Variants in PTPRQ observed in about 807,000 individuals in gnomAD.
PTPRQ encodes phosphatidylinositol phosphatase PTPRQ.
PTPRQ carries 199 observed loss-of-function variants against 246.0 expected under a neutral mutation model. The ratio of observed to expected loss-of-function variants is 0.81; its 90% CI spans 0.72 to 0.91. The LOEUF is 0.91. Ranked by LOEUF, PTPRQ falls within the 40% of genes least tolerant of loss-of-function variation. The pLI, the probability that PTPRQ is intolerant of heterozygous loss-of-function variation, is 0.00. For synonymous variants in PTPRQ, 869 were observed against 853.2 expected (o/e 1.02, Z -0.32); for missense variants, 2,624 against 2,528.4 (o/e 1.04, Z -0.81).
At chr12:80,483,615 G>A (rs898996916) in intron 8 of PTPRQ, among the ~76,000 whole-genome samples, 1 of 151,990 alleles carries the variant, frequency 6.6e-6, no homozygotes, top group African/African-American at 2.4e-5. Context: ...TTTCAGTTCT[G>A]GGGTACATGT....
intron 39 of PTPRQ, 33 bp from the exon 40 acceptor site, chr12:80,668,974 A>C (rs1385934258): frequency 2.0e-6 from 3 of 1,526,818 alleles, no homozygotes; most frequent in Middle Eastern, 1.7e-4. Context: ...CTGTGAACAC[A>C]GTGATGCAGT....
At chr12:80,651,559 T>C (rs748152306) in intron 37 of PTPRQ, among the ~76,000 whole-genome samples, 2 of 151,996 alleles carry the variant, frequency 1.3e-5, no homozygotes, top group East Asian at 1.9e-4. Context: ...ATAGGGAGAA[T>C]TGTGGCCTTG....
chr12:80,541,422 C>T (rs1896146968), intron 20 of PTPRQ, 133 bp from the exon 21 acceptor site: 1 of 557,160 alleles, frequency 1.8e-6, no homozygotes, highest in Non-Finnish European at 2.7e-6. Flanking sequence ...GAATGTTTGC[C>T]ACATCTGCAT....
intron 26 of PTPRQ, among the ~76,000 whole-genome samples, chr12:80,602,398 T>A (rs1047104161): frequency 1.3e-5 from 2 of 151,808 alleles, no homozygotes; most frequent in African/African-American, 4.8e-5. Flanking sequence ...TAGTCTGTTT[T>A]GTGTTGCTAT....
At chr12:80,620,487 C>T (rs1417119696) in intron 32 of PTPRQ, 111 bp downstream of exon 32, 24 of 1,425,992 alleles carry the variant, frequency 1.7e-5, no homozygotes, top group East Asian at 1.0e-4. Flanking sequence ...ATGTCCGCCA[C>T]GTATAGTGAC....
chr12:80,489,735 A>T (rs1171922997), intron 9 of PTPRQ, among the ~76,000 whole-genome samples: 1 of 151,962 alleles, frequency 6.6e-6, no homozygotes, highest in Non-Finnish European at 1.5e-5. Flanking sequence ...ATAAAAAAAA[A>T]TCATTTCATT....
intron 25 of PTPRQ, among the ~76,000 whole-genome samples, chr12:80,586,083 C>T (rs1349070928): frequency 1.3e-5 from 2 of 151,832 alleles, no homozygotes; most frequent in Admixed American, 1.3e-4. Flanking sequence ...TTTATGGATG[C>T]ATAGTATTCC....
chr12:80,616,801 T>C (rs897441971), intron 30 of PTPRQ, among the ~76,000 whole-genome samples: 1 of 151,090 alleles, frequency 6.6e-6, no homozygotes, highest in African/African-American at 2.4e-5. Context: ...AAAATTTGGG[T>C]CATCCTTTCA....
intron 26 of PTPRQ, among the ~76,000 whole-genome samples, chr12:80,592,750 C>T (rs1387931189): frequency 6.6e-6 from 1 of 152,112 alleles, no homozygotes; most frequent in Non-Finnish European, 1.5e-5. Context: ...TGGCTCATGC[C>T]TGTAATCCCA....
chr12:80,469,759 C>T (rs1337457171), intron 7 of PTPRQ, among the ~76,000 whole-genome samples: 1 of 152,196 alleles, frequency 6.6e-6, no homozygotes, highest in Admixed American at 6.5e-5. Flanking sequence ...CCATCCGATA[C>T]ACAGAAACAG....
intron 25 of PTPRQ, among the ~76,000 whole-genome samples, chr12:80,578,455 A>G (rs1897334853): frequency 2.6e-5 from 4 of 151,728 alleles, no homozygotes; most frequent in Non-Finnish European, 5.9e-5. Context: ...CAGTGGCGCG[A>G]TCTGGGCTCA....
Position 80,620,250 on chromosome 12 carries a change from CA to C in PTPRQ, c.5487del (p.Glu1830LysfsTer15). On this transcript the variant is annotated frameshift_variant, in exon 32 of 45. Coordinates refer to ENST00000644991, the MANE Select transcript of PTPRQ (RefSeq NM_001145026.2). LOFTEE classifies it high-confidence loss of function. ...TNEGFPNPPCTEGKTKFSGNE... is the reference protein window; with the variant it reads ...TNEGFPNPPCXEGKTKFSGNE... ...GAAGGCTTTCCTAACCCTCCATGTA[CA>C]GAAGGAAAGACAAAGTTTAGTGGCA... 6.5e-7 allele frequency: 1 copy of C among 1,549,378 alleles called. No homozygotes were observed. Among genetic ancestry groups the C allele is most frequent in the Middle Eastern group, 1.7e-4 (1 of 5,968 alleles).
intron 28 of PTPRQ, among the ~76,000 whole-genome samples, chr12:80,610,962 C>T (rs946081358): frequency 2.7e-5 from 4 of 150,286 alleles, no homozygotes; most frequent in East Asian, 1.9e-4. Context: ...TATCCAATAA[C>T]ACTTCAACTA....
intron 8 of PTPRQ, among the ~76,000 whole-genome samples, chr12:80,482,010 A>T (rs1338697530): frequency 2.2e-5 from 3 of 139,386 alleles, no homozygotes; most frequent in Non-Finnish European, 4.7e-5. Context: ...TTCTTCACAG[A>T]ATTGGAAAAA....
chr12:80,627,282 G>A (rs1379482480), intron 33 of PTPRQ, among the ~76,000 whole-genome samples: 2 of 150,906 alleles, frequency 1.3e-5, no homozygotes, highest in Admixed American at 1.3e-4. Flanking sequence ...TAGGTGACTA[G>A]CACTGGGCCA....
chr12:80,591,699 G>T (rs564473654), intron 26 of PTPRQ, among the ~76,000 whole-genome samples: 1 of 152,280 alleles, frequency 6.6e-6, no homozygotes, highest in Admixed American at 6.5e-5. Context: ...CTAGAAAACA[G>T]AAATAAATAA....
chr12:80,635,111 G>C (rs1899596893), intron 35 of PTPRQ, 38 bp downstream of exon 35: 1 of 1,544,894 alleles, frequency 6.5e-7, no homozygotes, highest in Admixed American at 2.0e-5. Context: ...GGTCCAGAGG[G>C]CCTGGAGCCA....
intron 35 of PTPRQ, among the ~76,000 whole-genome samples, chr12:80,640,443 G>C (rs1899814400): frequency 6.6e-6 from 1 of 152,138 alleles, no homozygotes; most frequent in South Asian, 2.1e-4. Context: ...GCAAAAATTT[G>C]TGAATTCGGA....
intron 25 of PTPRQ, among the ~76,000 whole-genome samples, chr12:80,575,899 C>G (rs971755445): frequency 6.6e-6 from 1 of 150,898 alleles, no homozygotes; most frequent in South Asian, 2.1e-4. Context: ...TTTTGGCAAT[C>G]AGAGAGTTTT....
Sources: gnomAD v4.1 joint callset for allele counts (sites outside exome capture counted in the v4.1 genomes callset) on GRCh38, gnomAD v4.1.1 for gene constraint, MANE v1.5 for transcripts, NCBI Gene and HGNC (gene_info 2026-07-23, HGNC 2026-07-21) for gene names.